Variants in RBFOX1 observed in about 807,000 individuals in gnomAD.
RBFOX1 encodes RNA binding fox-1 homolog 1.
RBFOX1 carries 8 observed loss-of-function variants against 57.7 expected under a neutral mutation model. The ratio of observed to expected loss-of-function variants is 0.14; its 90% CI spans 0.08 to 0.25. The LOEUF is 0.25. Ranked by LOEUF, RBFOX1 falls within the 10% of genes least tolerant of loss-of-function variation. The pLI is 1.00. For missense variants in RBFOX1, 611 were observed against 548.5 expected (o/e 1.11, Z -1.14); for synonymous variants, 326 against 222.4 (o/e 1.47, Z -4.15).
At chr16:7,635,419 T>A (rs1038245059) in intron 11 of RBFOX1, among the ~76,000 whole-genome samples, 1 of 152,200 alleles carries the variant, frequency 6.6e-6, no homozygotes, top group African/African-American at 2.4e-5. Context: ...ATGTGAAGTG[T>A]GCAAATAAAC....
At chr16:5,834,283 C>T (rs766399991) in intron 3 of RBFOX1, among the ~76,000 whole-genome samples, 1 of 152,116 alleles carries the variant, frequency 6.6e-6, no homozygotes, top group Non-Finnish European at 1.5e-5. Flanking sequence ...CTCCAATGTC[C>T]ACCATACCAC....
In RBFOX1 at chr16:5,764,835, T is replaced by G. The variant is rs542877782; in HGVS notation, c.319-102468T>G. On this transcript the variant is annotated intron_variant, in intron 3 of 19. Transcript: ENST00000641259. ...TTACAGCTTATTAAACATTTATTATTTACCAGCCACAGAAGCAGGCACTCT... is the reference window on the plus strand; with the variant it reads ...TTACAGCTTATTAAACATTTATTATGTACCAGCCACAGAAGCAGGCACTCT... 9.8e-5 allele frequency among the ~76,000 whole-genome samples: 15 copies of G among 152,324 alleles called. 1 individual carries two copies. In the Middle Eastern group the frequency reaches 0.01, roughly 104 times the overall value.
chr16:6,908,867 TATA>T (rs1353294489), intron 3 of RBFOX1, among the ~76,000 whole-genome samples: 1 of 152,134 alleles, frequency 6.6e-6, no homozygotes, highest in African/African-American at 2.4e-5. Flanking sequence ...AATTAGTTTA[TATA>T]ATAATTTTGA....
intron 1 of RBFOX1, among the ~76,000 whole-genome samples, chr16:6,095,467 A>C (rs919508274): frequency 6.6e-6 from 1 of 152,148 alleles, no homozygotes; most frequent in African/African-American, 2.4e-5. Flanking sequence ...CAGTCCCAGC[A>C]TCTTCTTTTC....
At chr16:7,006,948 C>A (rs1045979416) in intron 3 of RBFOX1, among the ~76,000 whole-genome samples, 1 of 152,254 alleles carries the variant, frequency 6.6e-6, no homozygotes, top group African/African-American at 2.4e-5. Context: ...TTTTCGTAGT[C>A]TTAGTTTTCT....
At chr16:7,301,477 A>G (rs544721382) in intron 4 of RBFOX1, among the ~76,000 whole-genome samples, 1 of 152,324 alleles carries the variant, frequency 6.6e-6, no homozygotes, top group African/African-American at 2.4e-5. Context: ...CAGAGCCGTT[A>G]TTGCAAGATG....
chr16:6,335,031 C>T (rs903176681), intron 2 of RBFOX1, among the ~76,000 whole-genome samples: 1 of 152,268 alleles, frequency 6.6e-6, no homozygotes, highest in African/African-American at 2.4e-5. Context: ...ACCTATTATG[C>T]CTGTTAGTAT....
chr16:6,486,626 AATG>A (rs2095488216), intron 2 of RBFOX1, among the ~76,000 whole-genome samples: 1 of 139,768 alleles, frequency 7.2e-6, no homozygotes, highest in South Asian at 2.2e-4. Context: ...CATAAAAAGA[AATG>A]AGGAAAAAGC....
intron 3 of RBFOX1, among the ~76,000 whole-genome samples, chr16:6,702,687 C>T (rs919481221): frequency 1.3e-5 from 2 of 152,202 alleles, no homozygotes; most frequent in African/African-American, 4.8e-5. Context: ...TCAATAAAAT[C>T]CTGTACGGCA....
chr16:5,816,972 A>G (rs946764156), intron 3 of RBFOX1, among the ~76,000 whole-genome samples: 1 of 152,156 alleles, frequency 6.6e-6, no homozygotes, highest in East Asian at 1.9e-4. Context: ...TGGGATCCAA[A>G]CAAAAATATT....
intron 3 of RBFOX1, among the ~76,000 whole-genome samples, chr16:5,755,463 A>T (rs1056254497): frequency 6.6e-6 from 1 of 152,214 alleles, no homozygotes; most frequent in Non-Finnish European, 1.5e-5. Context: ...AATTGATGGC[A>T]TGTGGCTGTT....
chr16:5,487,903 G>T (rs2042686873), intron 2 of RBFOX1, among the ~76,000 whole-genome samples: 1 of 152,042 alleles, frequency 6.6e-6, no homozygotes, highest in South Asian at 2.1e-4. Flanking sequence ...TGAAGCTGTT[G>T]ATAATGGAGA....
At chr16:7,171,320 A>G (rs1037406164) in intron 4 of RBFOX1, among the ~76,000 whole-genome samples, 13 of 152,064 alleles carry the variant, frequency 8.5e-5, no homozygotes, top group African/African-American at 2.7e-4. Context: ...GTACATCCCA[A>G]TTTGCTGTGA....
In RBFOX1 at chr16:6,249,276, C is replaced by A. The variant is rs200807273; in HGVS notation, c.-126-67719C>A. Among the ~76,000 whole-genome samples, 15 of 152,212 alleles carry A rather than the reference C, an allele frequency of 9.9e-5. No homozygotes were observed. The East Asian group carries it at 1.5e-3, about 16-fold the overall frequency. ...AAAAAGAGACTTGTGACCATAATCC[C>A]AGCACTTTGGGAGGCCGAGGCAGAT... On this transcript the variant is annotated intron_variant, in intron 1 of 15. Coordinates refer to ENST00000550418, the MANE Select transcript of RBFOX1 (RefSeq NM_018723.4).
At chr16:7,064,113 A>G (rs1484068091) in intron 4 of RBFOX1, among the ~76,000 whole-genome samples, 9 of 151,616 alleles carry the variant, frequency 5.9e-5, no homozygotes, top group African/African-American at 1.7e-4. Context: ...GATAAGTAAG[A>G]TAAAATGAGT....
intron 4 of RBFOX1, among the ~76,000 whole-genome samples, chr16:7,259,373 G>T (rs1277241014): frequency 6.6e-6 from 1 of 152,022 alleles, no homozygotes; most frequent in South Asian, 2.1e-4. Context: ...CAGTCGTTCA[G>T]CACACATCAC....
At chr16:5,980,333 A>C (rs1225394436) in intron 4 of RBFOX1, among the ~76,000 whole-genome samples, 1 of 152,280 alleles carries the variant, frequency 6.6e-6, no homozygotes, top group South Asian at 2.1e-4. Flanking sequence ...AGAACGGTAT[A>C]GATGGTAATG....
intron 3 of RBFOX1, among the ~76,000 whole-genome samples, chr16:5,733,777 T>G (rs1054476426): frequency 6.6e-6 from 1 of 152,008 alleles, no homozygotes; most frequent in African/African-American, 2.4e-5. Flanking sequence ...TCTCACCTTT[T>G]CTTCCCAGCC....
chr16:5,305,428 G>A (rs1447773875), intron 1 of RBFOX1, among the ~76,000 whole-genome samples: 4 of 152,080 alleles, frequency 2.6e-5, no homozygotes, highest in Admixed American at 2.0e-4. Context: ...GGTCTGGCAG[G>A]AAATGATGGG....
Sources: allele counts gnomAD v4.1 joint callset (sites outside exome capture counted in the v4.1 genomes callset), GRCh38; gene constraint gnomAD v4.1.1; transcripts MANE v1.5; gene names NCBI Gene and HGNC (gene_info 2026-07-23, HGNC 2026-07-21).